ZNFX1: variants seen among roughly 807,000 people sequenced by gnomAD.
The protein encoded by ZNFX1 is NFX1-type zinc finger-containing protein 1.
Under a neutral mutation model 179.8 loss-of-function variants are expected in ZNFX1, and 78 were observed. The ratio of observed to expected loss-of-function variants is 0.43; its 90% CI spans 0.36 to 0.52. ZNFX1 has a LOEUF of 0.52. Among genes scored for constraint, ZNFX1 ranks in the 20% least tolerant of loss-of-function variants. The probability of loss-of-function intolerance (pLI) is 0.00; values close to 1 mark genes in which losing one functional copy is unlikely to be tolerated. For synonymous variants in ZNFX1, 848 were observed against 868.5 expected, an observed-to-expected ratio of 0.98 and a Z score of 0.42; for missense variants, 1,927 against 2,386.6, an observed-to-expected ratio of 0.81 and a Z score of 4.01.
chr20:49,256,639 G>T (rs2146732724), intron 8 of ZNFX1, among the ~76,000 whole-genome samples: 1 of 152,312 alleles, frequency 6.6e-6, no homozygotes, highest in African/African-American at 2.4e-5. Flanking sequence ...GCTTCAAAAT[G>T]AAACAAATCA....
intron 2 of ZNFX1, among the ~76,000 whole-genome samples, chr20:49,274,689 G>A (rs1038494356): frequency 5.9e-5 from 9 of 152,014 alleles, no homozygotes; most frequent in Non-Finnish European, 1.0e-4. Context: ...AACCTGGGAG[G>A]TGGAGGTTGC....
chr20:49,263,327 C>A lies in ZNFX1; in HGVS notation c.2301+7G>T. 1 of 1,612,710 alleles carries A rather than the reference C, an allele frequency of 6.2e-7. No individual in the cohort carries two copies. Among genetic ancestry groups the A allele is most frequent in the Non-Finnish European group, 8.5e-7 (1 of 1,179,916 alleles). ...GACATATTTGTGTCCCCCAGGATGA[C>A]CCCTACCTGCACTGGTCCATTCATG... On this transcript the variant is annotated splice_region_variant and intron_variant, in intron 6 of 13. Coordinates refer to ENST00000396105, the MANE Select transcript of ZNFX1 (RefSeq NM_021035.3).
intron 13 of ZNFX1, among the ~76,000 whole-genome samples, chr20:49,250,822 G>A (rs143946131): frequency 0.015 from 2,324 of 152,260 alleles, 60 homozygotes; most frequent in South Asian, 0.071. Flanking sequence ...AAAGTGCTGA[G>A]ATTATAGGCA....
Position 49,255,942 on chromosome 20 carries a change from C to G in ZNFX1, c.2670G>C (p.Gln890His). ...QEQATGEWQT[Q>H]RNQKKKMKKR... Reference sequence around the variant, plus strand: ...TTTTCATTTTCTTTTTCTGGTTGCGCTGGGTCTGCAGACATCAATACCAGG... The same window carrying G: ...TTTTCATTTTCTTTTTCTGGTTGCGGTGGGTCTGCAGACATCAATACCAGG... Residue 890 changes from glutamine (Q) to histidine (H), a missense_variant, in exon 9 of 14, where the codon CAG becomes CAC. By Grantham distance (24) the Gln-to-His change is conservative. Transcript: ENST00000396105. 1 of 1,613,906 alleles carries G rather than the reference C, an allele frequency of 6.2e-7. No individual in the cohort carries two copies. Among genetic ancestry groups the G allele is most frequent in the African/African-American group, 1.3e-5 (1 of 75,016 alleles).
chr20:49,247,036 T>C lies in ZNFX1; in HGVS notation c.*231A>G, dbSNP rs1215396195. ...GGCGCCCGCCATAACGCCCAGCTAA[T>C]TTTTGTATTTTTAGTAGAGACGGGG... is the stretch of plus-strand genomic sequence containing the variant. On this transcript the variant is annotated 3_prime_UTR_variant, in exon 14 of 14. Coordinates refer to ENST00000396105, the MANE Select transcript of ZNFX1 (RefSeq NM_021035.3). 1 of 512,562 alleles carries C rather than the reference T, an allele frequency of 2.0e-6. No homozygotes were observed. Among genetic ancestry groups the C allele is most frequent in the East Asian group, 3.9e-5 (1 of 25,746 alleles). 31.8% of individuals were successfully genotyped at this position (512,562 alleles called of 1,614,324 possible).
At chr20:49,266,351 T>A in intron 3 of ZNFX1, 85 bp from the exon 4 acceptor site, 1 of 1,281,298 alleles carries the variant, frequency 7.8e-7, no homozygotes, top group Non-Finnish European at 1.1e-6. Context: ...TTTTTAAATT[T>A]AATATAATAC....
chr20:49,247,913 T>G lies in ZNFX1; in HGVS notation c.5111A>C (p.Asn1704Thr). 2 of 1,614,154 alleles carry G rather than the reference T, an allele frequency of 1.2e-6. No individual in the cohort carries two copies. The highest frequency in any genetic ancestry group is 1.7e-6 in the Non-Finnish European group (2 of 1,180,012). ...CAGGTGGTCATAGAAGCTGATGTAATTCTCAACCAGACCCAGGTCCTTCAC... is the reference window on the plus strand; with the variant it reads ...CAGGTGGTCATAGAAGCTGATGTAAGTCTCAACCAGACCCAGGTCCTTCAC... ...LSVKDLGLVE[N>T]YISFYDHLAS... Residue 1704 changes from asparagine to threonine, a missense_variant, in exon 14 of 14, where the codon AAT becomes ACT. Coordinates refer to ENST00000396105, the MANE Select transcript of ZNFX1 (RefSeq NM_021035.3).
In ZNFX1 at chr20:49,249,639, G is replaced by C; in HGVS notation, c.3385C>G (p.Gln1129Glu). 4 of 1,614,224 alleles carry C rather than the reference G, an allele frequency of 2.5e-6. No individual in the cohort carries two copies. The highest frequency in any genetic ancestry group is 3.4e-6 in the Non-Finnish European group (4 of 1,180,044). ...EQEIQEGKSH[Q>E]NQHEAHFVVE... The stretch of plus-strand genomic sequence containing the variant: ...ACAAAGTGAGCCTCATGCTGGTTCT[G>C]ATGGCTTTTGCCCTCTTGGATTTCC... The change falls in exon 14 of 14, where the codon CAG (glutamine) becomes GAG (glutamate). Residue 1129 changes from glutamine (Q) to glutamate (E), a missense_variant. Gln to Glu is a conservative substitution (Grantham distance 29). Coordinates refer to ENST00000396105, the MANE Select transcript of ZNFX1 (RefSeq NM_021035.3).
chr20:49,254,353 C>A (rs1302612575), intron 10 of ZNFX1, 142 bp downstream of exon 10: 2 of 1,158,310 alleles, frequency 1.7e-6, no homozygotes, highest in Non-Finnish European at 2.4e-6. Context: ...ACCAAGAGTT[C>A]TCAAAATATG....
chr20:49,247,024 A>C lies in ZNFX1; in HGVS notation c.*243T>G, dbSNP rs1395024543. 2.5e-5 allele frequency: 12 copies of C among 483,548 alleles called. No homozygotes were observed. The Admixed American group carries it at 4.0e-4, about 16-fold the overall frequency. 30.0% of individuals were successfully genotyped at this position (483,548 alleles called of 1,614,324 possible). A position where few individuals can be genotyped will look rare whatever the true frequency, so the allele number is the denominator to read the frequency against. Reference sequence around the variant, plus strand: ...GCTGGGATTACAGGCGCCCGCCATAACGCCCAGCTAATTTTTGTATTTTTA... The same window carrying C: ...GCTGGGATTACAGGCGCCCGCCATACCGCCCAGCTAATTTTTGTATTTTTA... On this transcript the variant is annotated 3_prime_UTR_variant, in exon 14 of 14. Transcript: ENST00000396105.
Position 49,249,702 on chromosome 20 carries a change from A to G in ZNFX1, c.3322T>C (p.Ser1108Pro). The G allele has an allele frequency of 6.2e-7, 1 of 1,610,520 alleles. No individual in the cohort carries two copies. Among genetic ancestry groups the G allele is most frequent in the Non-Finnish European group, 8.5e-7 (1 of 1,177,228 alleles). ...TTGTGTTCTACAAAGAAAAGGTTGG[A>G]AGACACCCCCTGACAGGGAAAAGAA... ...LKYEKIKGVS[S>P]NLFFVEHNFP... The change falls in exon 14 of 14, where the codon TCC becomes CCC. Residue 1108 changes from serine (S) to proline (P), a missense_variant. Physicochemically the swap from Ser to Pro is moderately conservative, Grantham distance 74. Coordinates refer to ENST00000396105, the MANE Select transcript of ZNFX1 (RefSeq NM_021035.3).
intron 13 of ZNFX1, 138 bp from the exon 14 acceptor site, chr20:49,249,849 A>C: frequency 1.2e-6 from 1 of 843,686 alleles, no homozygotes; most frequent in Non-Finnish European, 1.8e-6. Context: ...CAACATCACT[A>C]TCTTTAGTTC....
Position 49,247,427 on chromosome 20 carries a change from C to A in ZNFX1, c.5597G>T (p.Arg1866Met). Residue 1866 changes from arginine (R) to methionine (M), a missense_variant, in exon 14 of 14, where the codon AGG becomes ATG. By Grantham distance (91) the Arg-to-Met change is moderately conservative. Coordinates refer to ENST00000396105, the MANE Select transcript of ZNFX1 (RefSeq NM_021035.3). ...TTCCTTACAGTCAGGACACGTGCCC[C>A]TCTCCATGGCTCCCCCACAATCGCC... ...VIGDCGGAMERGTCPDCKEVI... is the reference protein window; with the variant it reads ...VIGDCGGAMEMGTCPDCKEVI... 1 of 1,614,204 alleles carries A rather than the reference C, an allele frequency of 6.2e-7. No individual in the cohort carries two copies. Among genetic ancestry groups the A allele is most frequent in the Non-Finnish European group, 8.5e-7 (1 of 1,180,044 alleles).
At position 49,257,464 on chromosome 20, in the gene ZNFX1, C is replaced by T; in HGVS notation, c.2617G>A (p.Gly873Ser). The change falls in exon 8 of 14, where the codon GGC (glycine) becomes AGC (serine). Residue 873 changes from glycine (G) to serine (S), a missense_variant. By Grantham distance (56) the Gly-to-Ser change is moderately conservative. Coordinates refer to ENST00000396105, the MANE Select transcript of ZNFX1 (RefSeq NM_021035.3). ...MLLAMRLDHCGTGTAAGQEQA... is the reference protein window; with the variant it reads ...MLLAMRLDHCSTGTAAGQEQA... Reference sequence around the variant, plus strand: ...TCCTGTCCAGCTGCTGTCCCAGTGCCACAATGGTCTAGCCTCATGGCCAGA... The same window carrying T: ...TCCTGTCCAGCTGCTGTCCCAGTGCTACAATGGTCTAGCCTCATGGCCAGA... 6.2e-7 allele frequency: 1 copy of T among 1,614,112 alleles called. No individual in the cohort carries two copies. The highest frequency in any genetic ancestry group is 8.5e-7 in the Non-Finnish European group (1 of 1,180,016).
In ZNFX1 at chr20:49,275,696, T is replaced by C; in HGVS notation, c.61+83A>G. On this transcript the variant is annotated intron_variant, in intron 2 of 13. Transcript: ENST00000396105. ...CTTGAGAGATGCAGACAATCTTAGG[T>C]AGGCCTGCTCATTTATAGAGAGCCC... 6.2e-6 allele frequency: 8 copies of C among 1,293,496 alleles called. 1 individual carries two copies. Among genetic ancestry groups the C allele is most frequent in the African/African-American group, 1.5e-5 (1 of 68,472 alleles). The allele number at this position is 1,293,496 out of a possible 1,614,324, so 80.1% of individuals were successfully genotyped here.
intron 7 of ZNFX1, among the ~76,000 whole-genome samples, chr20:49,259,433 C>G (rs1199491413): frequency 2.1e-5 from 3 of 142,050 alleles, no homozygotes; most frequent in African/African-American, 7.7e-5. Context: ...CATAACTTGC[C>G]TTTTTTTTTT....
intron 13 of ZNFX1, among the ~76,000 whole-genome samples, 193 bp from the exon 14 acceptor site, chr20:49,249,904 A>G (rs1980796231): frequency 6.6e-6 from 1 of 152,210 alleles, no homozygotes; most frequent in Non-Finnish European, 1.5e-5. Flanking sequence ...ACAGCAAGTT[A>G]TGAAAATAAA....
chr20:49,264,078 C>G (rs910622617), intron 5 of ZNFX1, among the ~76,000 whole-genome samples: 2 of 152,130 alleles, frequency 1.3e-5, no homozygotes, highest in Non-Finnish European at 2.9e-5. Flanking sequence ...AAAAATTAGC[C>G]AGGTGTGATG....
intron 2 of ZNFX1, 35 bp from the exon 3 acceptor site, chr20:49,271,785 C>T: frequency 1.3e-6 from 2 of 1,550,578 alleles, no homozygotes; most frequent in Non-Finnish European, 1.7e-6. Flanking sequence ...ACCACAAGAA[C>T]CAAGTTCTGT....
Sources: allele counts gnomAD v4.1 joint callset (sites outside exome capture counted in the v4.1 genomes callset), GRCh38; gene constraint gnomAD v4.1.1; transcripts MANE v1.5; gene names NCBI Gene and HGNC (gene_info 2026-07-23, HGNC 2026-07-21).